Variants in FHIT observed in about 807,000 individuals in gnomAD.
The protein encoded by FHIT is fragile histidine triad diadenosine triphosphatase.
Under a neutral mutation model 17.9 loss-of-function variants are expected in FHIT, and 19 were observed. The observed-to-expected ratio is 1.06, with a 90% CI of 0.74 to 1.56. The LOEUF (loss-of-function observed/expected upper bound fraction) is 1.56. FHIT is among the 40% of genes most tolerant of loss of function. FHIT has a pLI of 0.00. For synonymous variants in FHIT, 81 were observed against 69.7 expected (o/e 1.16, Z -0.81); for missense variants, 248 against 189.2 (o/e 1.31, Z -1.82).
At chr3:60,395,143 G>T (rs568596071) in intron 5 of FHIT, among the ~76,000 whole-genome samples, 1 of 152,188 alleles carries the variant, frequency 6.6e-6, no homozygotes, top group South Asian at 2.1e-4. Flanking sequence ...GAGTAGAAAG[G>T]TCAGGCTAGA....
rs2039545546 is a variant in FHIT, at chr3:61,213,162, C to G, written c.-212-12497G>C. Among the ~76,000 whole-genome samples, 3 of 152,310 alleles carry G rather than the reference C, an allele frequency of 2.0e-5. 1 individual carries two copies. In the South Asian group the frequency reaches 6.2e-4, roughly 32 times the overall value. On this transcript the variant is annotated intron_variant, in intron 1 of 9. Coordinates refer to ENST00000492590, the MANE Select transcript of FHIT (RefSeq NM_002012.4). Reference sequence around the variant, plus strand: ...TCAAATTCACACATAACAATATTAACTTTAAATGTAAATGGACTAAATGTT... The same window carrying G: ...TCAAATTCACACATAACAATATTAAGTTTAAATGTAAATGGACTAAATGTT...
chr3:60,435,895 T>C (rs1037017153), intron 5 of FHIT, among the ~76,000 whole-genome samples: 3 of 152,130 alleles, frequency 2.0e-5, no homozygotes, highest in Non-Finnish European at 4.4e-5. Context: ...CACTTACAGG[T>C]GAAAACGTAT....
chr3:60,955,657 T>C (rs1403414519), intron 3 of FHIT, among the ~76,000 whole-genome samples: 3 of 128,080 alleles, frequency 2.3e-5, no homozygotes, highest in Non-Finnish European at 5.0e-5. Flanking sequence ...TATATACATG[T>C]GACAAATTTA....
chr3:60,709,859 G>T (rs1221933661), intron 4 of FHIT, among the ~76,000 whole-genome samples: 3 of 152,052 alleles, frequency 2.0e-5, no homozygotes, highest in African/African-American at 7.2e-5. Context: ...CTCACTTTGT[G>T]CATTTTAAAG....
In FHIT at chr3:60,129,218, A is replaced by G. The variant is rs188005089; in HGVS notation, c.104-115066T>C. 1.9e-3 allele frequency among the ~76,000 whole-genome samples: 290 copies of G among 151,968 alleles called. 1 individual carries two copies. Among genetic ancestry groups the G allele is most frequent in the African/African-American group, 6.8e-3 (283 of 41,450 alleles). ...CAGGTGAGTGCCACCACATCCAGCT[A>G]ATTTTTGTCTTTTTAGTAGAGGTGG... is the stretch of plus-strand genomic sequence containing the variant. On this transcript the variant is annotated intron_variant, in intron 5 of 9. Coordinates refer to ENST00000492590, the MANE Select transcript of FHIT (RefSeq NM_002012.4).
chr3:60,594,587 G>T (rs2107701964), intron 4 of FHIT, among the ~76,000 whole-genome samples: 1 of 152,100 alleles, frequency 6.6e-6, no homozygotes, highest in South Asian at 2.1e-4. Flanking sequence ...CCTCAAGTCA[G>T]GTCACACCTG....
chr3:59,907,629 A>G (rs622875), intron 8 of FHIT, among the ~76,000 whole-genome samples: 112,318 of 152,138 alleles, frequency 0.74, 42,642 homozygotes, highest in East Asian at 0.95. Flanking sequence ...GCACTGGGGC[A>G]GGGTGTGCTC....
chr3:60,228,566 C>G (rs2107547689), intron 5 of FHIT, among the ~76,000 whole-genome samples: 1 of 152,236 alleles, frequency 6.6e-6, no homozygotes, highest in Non-Finnish European at 1.5e-5. Context: ...AAATCCCAGC[C>G]CTACCGCTTC....
At chr3:59,770,245 A>G (rs569876631) in intron 8 of FHIT, among the ~76,000 whole-genome samples, 1 of 152,310 alleles carries the variant, frequency 6.6e-6, no homozygotes, top group East Asian at 1.9e-4. Context: ...TGTGGTAATT[A>G]GTTATTACTA....
At chr3:59,804,946 G>T (rs932123194) in intron 8 of FHIT, among the ~76,000 whole-genome samples, 1 of 152,170 alleles carries the variant, frequency 6.6e-6, no homozygotes, top group Non-Finnish European at 1.5e-5. Flanking sequence ...ACAGGTACCT[G>T]TACTTACTTG....
At chr3:61,158,170 C>A (rs2037583899) in intron 2 of FHIT, among the ~76,000 whole-genome samples, 2 of 152,050 alleles carry the variant, frequency 1.3e-5, no homozygotes, top group African/African-American at 4.8e-5. Flanking sequence ...TAGCATTTTC[C>A]ACTGTGACAC....
chr3:60,541,235 A>G (rs2036176411), intron 4 of FHIT, among the ~76,000 whole-genome samples: 1 of 152,216 alleles, frequency 6.6e-6, no homozygotes, highest in African/African-American at 2.4e-5. Context: ...TCTGTTTTTC[A>G]TGACTTTATT....
At chr3:60,781,766 A>C in intron 4 of FHIT, among the ~76,000 whole-genome samples, 1 of 152,240 alleles carries the variant, frequency 6.6e-6, no homozygotes, top group East Asian at 1.9e-4. Flanking sequence ...CTGAAAAATG[A>C]AAGAGGTAGG....
chr3:61,184,444 C>T (rs1003635476), intron 2 of FHIT, among the ~76,000 whole-genome samples: 1 of 152,074 alleles, frequency 6.6e-6, no homozygotes, highest in Admixed American at 6.5e-5. Context: ...TCCAGAGCTC[C>T]AGTGTGGGAT....
In FHIT at chr3:60,072,945, G is replaced by A. The variant is rs574229975; in HGVS notation, c.104-58793C>T. On this transcript the variant is annotated intron_variant, in intron 5 of 9. Transcript: ENST00000492590. Reference sequence around the variant, plus strand: ...CCAACTTATCCTGTTATAGGCTCATGGTCAACAGATGACTGCACTGTGTTA... The same window carrying A: ...CCAACTTATCCTGTTATAGGCTCATAGTCAACAGATGACTGCACTGTGTTA... Among the ~76,000 whole-genome samples the A allele has an allele frequency of 7.8e-4, 119 of 152,220 alleles. 1 individual carries two copies. Among genetic ancestry groups the A allele is most frequent in the Non-Finnish European group, 1.5e-3 (102 of 68,008 alleles).
At chr3:60,684,725 C>T (rs1482261798) in intron 4 of FHIT, among the ~76,000 whole-genome samples, 1 of 152,132 alleles carries the variant, frequency 6.6e-6, no homozygotes, top group Non-Finnish European at 1.5e-5. Flanking sequence ...AGTTCACAGA[C>T]TAGATCACCA....
At chr3:60,196,827 G>C (rs1559718738) in intron 5 of FHIT, among the ~76,000 whole-genome samples, 1 of 137,662 alleles carries the variant, frequency 7.3e-6, no homozygotes, top group Non-Finnish European at 1.6e-5. Context: ...TGTTTTATTT[G>C]TAAAAAAAAA....
chr3:60,034,804 G>A (rs1188468811), intron 5 of FHIT, among the ~76,000 whole-genome samples: 1 of 152,040 alleles, frequency 6.6e-6, no homozygotes, highest in Non-Finnish European at 1.5e-5. Context: ...TGATATTAAA[G>A]CCCTGGTTAG....
chr3:60,088,148 C>G (rs532266738), intron 5 of FHIT, among the ~76,000 whole-genome samples: 2 of 152,274 alleles, frequency 1.3e-5, no homozygotes, highest in East Asian at 3.9e-4. Context: ...AGTCTCTTTT[C>G]AACAATTAGT....
Sources: gnomAD v4.1 joint callset for allele counts (sites outside exome capture counted in the v4.1 genomes callset) on GRCh38, gnomAD v4.1.1 for gene constraint, MANE v1.5 for transcripts, NCBI Gene and HGNC (gene_info 2026-07-23, HGNC 2026-07-21) for gene names.